CTNNA2: variants seen among roughly 807,000 people sequenced by gnomAD.
CTNNA2 encodes catenin alpha-2.
In CTNNA2, 42 loss-of-function variants were observed where a neutral mutation model predicts 101.0. The observed-to-expected ratio is 0.42, with a 90% CI of 0.32 to 0.54. CTNNA2 has a LOEUF of 0.54. Among genes scored for constraint, CTNNA2 ranks in the 20% least tolerant of loss-of-function variants. The pLI is 0.14. For synonymous variants in CTNNA2, 450 were observed against 456.4 expected (o/e 0.99, Z 0.18); for missense variants, 871 against 1,223.1 (o/e 0.71, Z 4.29).
At chr2:80,533,709 A>C (rs961276087) in intron 9 of CTNNA2, among the ~76,000 whole-genome samples, 3 of 152,160 alleles carry the variant, frequency 2.0e-5, no homozygotes, top group African/African-American at 7.2e-5. Flanking sequence ...ACTGGAAATA[A>C]GTTGAGATTT....
At chr2:80,306,405 TTTCTTTCTTTCTTTCTTTC>T (rs752423097) in intron 7 of CTNNA2, among the ~76,000 whole-genome samples, 8 of 53,302 alleles carry the variant, frequency 1.5e-4, no homozygotes, top group Admixed American at 1.3e-3. Flanking sequence ...TTTTCTTTTC[TTTCTTTCTTTCTTTCTTTC>T]TTTCTTTCTT....
chr2:79,506,415 A>G (rs1671415265), intron 5 of CTNNA2, among the ~76,000 whole-genome samples: 1 of 152,124 alleles, frequency 6.6e-6, no homozygotes, highest in Admixed American at 6.5e-5. Flanking sequence ...GAGGTATCAG[A>G]GTGCTGGGAA....
chr2:80,362,486 A>G (rs1674505926), intron 7 of CTNNA2, among the ~76,000 whole-genome samples: 1 of 152,136 alleles, frequency 6.6e-6, no homozygotes, highest in African/African-American at 2.4e-5. Context: ...AAAGGGGAGT[A>G]ATAACACTCT....
At chr2:79,296,544 T>C (rs1675983927) in intron 2 of CTNNA2, among the ~76,000 whole-genome samples, 1 of 152,194 alleles carries the variant, frequency 6.6e-6, no homozygotes, top group African/African-American at 2.4e-5. Flanking sequence ...TTATGCACTC[T>C]AGCACCTACT....
chr2:80,445,947 G>A (rs1205268401), intron 9 of CTNNA2, among the ~76,000 whole-genome samples: 2 of 152,132 alleles, frequency 1.3e-5, no homozygotes, highest in East Asian at 3.9e-4. Context: ...GCATTTCTAT[G>A]CCTGGGCTTC....
chr2:79,297,358 T>C (rs1488655158), intron 2 of CTNNA2, among the ~76,000 whole-genome samples: 1 of 152,222 alleles, frequency 6.6e-6, no homozygotes, highest in African/African-American at 2.4e-5. Context: ...CTTCAGTGTC[T>C]GACCATCTGG....
intron 8 of CTNNA2, among the ~76,000 whole-genome samples, chr2:80,406,655 T>C (rs1343557829): frequency 6.6e-6 from 1 of 151,392 alleles, no homozygotes; most frequent in Non-Finnish European, 1.5e-5. Context: ...TGAAACCCTG[T>C]CTCTACTAAA....
intron 3 of CTNNA2, among the ~76,000 whole-genome samples, chr2:79,751,044 G>T (rs1573872120): frequency 6.6e-6 from 1 of 152,078 alleles, no homozygotes; most frequent in Non-Finnish European, 1.5e-5. Flanking sequence ...AATGTATAGG[G>T]CAGTTAAATA....
chr2:80,147,119 T>A (rs79590695), intron 7 of CTNNA2, among the ~76,000 whole-genome samples: 1 of 151,710 alleles, frequency 6.6e-6, no homozygotes, highest in Non-Finnish European at 1.5e-5. Context: ...GCACACACCA[T>A]CATGCCTGGC....
chr2:79,722,651 A>G (rs1010733534), intron 2 of CTNNA2, among the ~76,000 whole-genome samples: 1 of 152,078 alleles, frequency 6.6e-6, no homozygotes, highest in Non-Finnish European at 1.5e-5. Flanking sequence ...GATTTGTGTA[A>G]CTTATTTATT....
At chr2:79,814,474 C>T (rs943189901) in intron 3 of CTNNA2, among the ~76,000 whole-genome samples, 1 of 152,058 alleles carries the variant, frequency 6.6e-6, no homozygotes, top group Non-Finnish European at 1.5e-5. Flanking sequence ...TCAATGAGAA[C>T]ATACAATATT....
chr2:80,462,631 C>CTTTTTTTTTTTTTTTTTTT (rs753815778), intron 9 of CTNNA2, among the ~76,000 whole-genome samples: 143 of 94,748 alleles, frequency 1.5e-3, no homozygotes, highest in East Asian at 5.7e-3. Context: ...TTCTTTCTTT[C>CTTTTTTTTTTTTTTTTTTT]TTTTTTTTTT....
intron 3 of CTNNA2, among the ~76,000 whole-genome samples, chr2:79,361,047 C>T (rs989536820): frequency 6.6e-6 from 1 of 152,010 alleles, no homozygotes; most frequent in Non-Finnish European, 1.5e-5. Context: ...GCCACAAGCT[C>T]CTCTTCACTT....
intron 2 of CTNNA2, among the ~76,000 whole-genome samples, chr2:79,275,269 G>A (rs1479763840): frequency 6.6e-6 from 1 of 151,984 alleles, no homozygotes; most frequent in African/African-American, 2.4e-5. Flanking sequence ...TTGTCCAAGA[G>A]GATCAAAGGT....
At chr2:80,224,843 T>A (rs1215903478) in intron 7 of CTNNA2, among the ~76,000 whole-genome samples, 1 of 151,932 alleles carries the variant, frequency 6.6e-6, no homozygotes, top group Non-Finnish European at 1.5e-5. Flanking sequence ...ATACAGCTTT[T>A]TTTTTCTTTC....
At chr2:79,953,352 C>A (rs771514778) in intron 7 of CTNNA2, among the ~76,000 whole-genome samples, 1 of 152,154 alleles carries the variant, frequency 6.6e-6, no homozygotes, top group Non-Finnish European at 1.5e-5. Flanking sequence ...CAGTTCCAGA[C>A]GAGGGAGGCA....
At chr2:79,650,259 G>T (rs1175322132) in intron 1 of CTNNA2, among the ~76,000 whole-genome samples, 3 of 151,412 alleles carry the variant, frequency 2.0e-5, no homozygotes, top group African/African-American at 7.3e-5. Context: ...TCTTAGGTAA[G>T]AGAGGATTGC....
chr2:79,197,473 G>T (rs1378287630), intron 1 of CTNNA2, among the ~76,000 whole-genome samples: 2 of 152,220 alleles, frequency 1.3e-5, no homozygotes, highest in Non-Finnish European at 2.9e-5. Flanking sequence ...TGCTACAGAG[G>T]TTGTCATTTG....
chr2:79,647,976 C>T (rs1450188225), intron 1 of CTNNA2, among the ~76,000 whole-genome samples: 6 of 152,192 alleles, frequency 3.9e-5, no homozygotes, highest in African/African-American at 1.4e-4. Flanking sequence ...TAAGTAAGCA[C>T]ATTCCAAATG....
Sources: gnomAD v4.1 joint callset for allele counts (sites outside exome capture counted in the v4.1 genomes callset) on GRCh38, gnomAD v4.1.1 for gene constraint, MANE v1.5 for transcripts, NCBI Gene and HGNC (gene_info 2026-07-23, HGNC 2026-07-21) for gene names.